WDR59: variants seen among roughly 807,000 people sequenced by gnomAD.
WDR59 encodes GATOR2 complex protein WDR59.
A neutral mutation model predicts 131.2 loss-of-function variants in WDR59; 100 were observed. That is an observed-to-expected ratio of 0.76 (90% CI 0.65 to 0.90). The LOEUF (loss-of-function observed/expected upper bound fraction) is 0.90, where lower values mean the gene tolerates loss of function less well. Ranked by LOEUF, WDR59 falls within the 40% of genes least tolerant of loss-of-function variation. WDR59 has a pLI of 0.00. For synonymous variants in WDR59, 601 were observed against 466.2 expected (o/e 1.29, Z -3.72); for missense variants, 1,203 against 1,262.2 (o/e 0.95, Z 0.71).
At chr16:74,961,347 T>A (rs1282212222) in intron 2 of WDR59, among the ~76,000 whole-genome samples, 1 of 152,040 alleles carries the variant, frequency 6.6e-6, no homozygotes, top group East Asian at 1.9e-4. Context: ...AAAATGAAAG[T>A]TCTAGGTCTT....
chr16:74,981,831 T>A (rs2034442374), intron 1 of WDR59, among the ~76,000 whole-genome samples: 2 of 141,678 alleles, frequency 1.4e-5, no homozygotes, highest in South Asian at 4.4e-4. Context: ...AATTTTTGTA[T>A]CTTTAGTAGA....
intron 21 of WDR59, 87 bp from the exon 22 acceptor site, chr16:74,888,406 A>T: frequency 7.5e-7 from 1 of 1,340,536 alleles, no homozygotes. Context: ...TTACTGCCAC[A>T]GGGGTGGGAA....
At chr16:74,888,920 A>G (rs1964905543) in intron 21 of WDR59, among the ~76,000 whole-genome samples, 1 of 152,248 alleles carries the variant, frequency 6.6e-6, no homozygotes, top group Non-Finnish European at 1.5e-5. Context: ...GTAAGGAATC[A>G]GAGGGGCTTT....
At chr16:74,959,602 G>A in intron 2 of WDR59, 2 of 421,106 alleles carry the variant, frequency 4.7e-6, no homozygotes, top group Non-Finnish European at 9.3e-6. Flanking sequence ...TCTGCATAAA[G>A]AAAAAAAAAT....
At chr16:74,925,959 T>A (rs369909029) in intron 8 of WDR59, among the ~76,000 whole-genome samples, 34 of 147,798 alleles carry the variant, frequency 2.3e-4, no homozygotes, top group African/African-American at 8.6e-4. Flanking sequence ...CACTCCAGTG[T>A]GGGCAACAGA....
rs527444206 is a variant in WDR59 at position 74,924,296 on chromosome 16, T to C, written c.652-293A>G. Among the ~76,000 whole-genome samples the C allele has an allele frequency of 2.0e-5, 3 of 152,284 alleles. No homozygotes were observed. In the East Asian group the frequency reaches 5.8e-4, roughly 29 times the overall value. On this transcript the variant is annotated intron_variant, in intron 8 of 25. Transcript: ENST00000262144. ...GACCTTTAGAGCTGAAAATTCAGAG[T>C]GACGTGTTTGATTTTGTATCACGTT...
intron 3 of WDR59, 86 bp downstream of exon 3, chr16:74,956,389 A>C (rs1269044048): frequency 6.6e-7 from 1 of 1,505,388 alleles, no homozygotes. Flanking sequence ...TGAGGACTGC[A>C]TTCTCTTCTC....
rs191793971 is a variant in WDR59, at chr16:74,924,413, T to C, written c.652-410A>G. ...ATATTTAGAACTTTTTTTTCCCATT[T>C]AATCTTTGTAACAACCATATATGTT... On this transcript the variant is annotated intron_variant, in intron 8 of 25. Coordinates refer to ENST00000262144, the MANE Select transcript of WDR59 (RefSeq NM_030581.4). Among the ~76,000 whole-genome samples the C allele has an allele frequency of 2.0e-3, 302 of 152,352 alleles. 1 individual carries two copies. Among genetic ancestry groups the C allele is most frequent in the African/African-American group, 6.9e-3 (288 of 41,580 alleles).
chr16:74,877,456 C>G (rs1309090232), intron 25 of WDR59, among the ~76,000 whole-genome samples: 1 of 152,130 alleles, frequency 6.6e-6, no homozygotes, highest in Non-Finnish European at 1.5e-5. Context: ...TTTTGTCATG[C>G]TTTTGAATCA....
chr16:74,904,528 C>T (rs2144892219), intron 17 of WDR59, among the ~76,000 whole-genome samples: 1 of 152,270 alleles, frequency 6.6e-6, no homozygotes, highest in African/African-American at 2.4e-5. Flanking sequence ...TTAAAGGAGA[C>T]ATACAACGAT....
rs377750138 is a variant in WDR59, at chr16:74,950,328, A to AAAAC, written c.327-534_327-531dup. Among the ~76,000 whole-genome samples, 282 of 152,214 alleles carry AAAAC rather than the reference A, an allele frequency of 1.9e-3. 3 individuals carry two copies. Among genetic ancestry groups the AAAAC allele is most frequent in the Middle Eastern group, 0.01 (3 of 294 alleles). ...GGCAACAAGAGTGAAACTCCATCTC[A>AAAAC]AAACAAACAAACAAACAAACAAACA... On this transcript the variant is annotated intron_variant, in intron 4 of 25. Transcript: ENST00000262144.
rs1328976320 is a variant in WDR59 at position 74,984,746 on chromosome 16, G to GT, written c.54+217dup. 3.0e-4 allele frequency: 183 copies of GT among 611,916 alleles called. 1 individual carries two copies. The highest frequency in any genetic ancestry group is 3.1e-4 in the Non-Finnish European group (109 of 349,764). 37.9% of individuals were successfully genotyped at this position (611,916 alleles called of 1,614,324 possible). ...AGGCGGACCCCACTCCCCTACCCGC[G>GT]TAGGGAGCCCCGAAACTCCGTCCAT... On this transcript the variant is annotated intron_variant, in intron 1 of 25. Transcript: ENST00000262144.
chr16:74,948,656 G>A lies in WDR59; in HGVS notation c.408-100C>T, dbSNP rs142891571. ...CACAATTCTTCGCTTTCCTTTCAGT[G>A]GGAACTTGGAGTAGGTAGATCCGCT... is the stretch of plus-strand genomic sequence containing the variant. On this transcript the variant is annotated intron_variant, in intron 5 of 25. Coordinates refer to ENST00000262144, the MANE Select transcript of WDR59 (RefSeq NM_030581.4). The A allele has an allele frequency of 8.8e-6, 9 of 1,023,336 alleles. No individual in the cohort carries two copies. In the African/African-American group the frequency reaches 1.3e-4, roughly 14 times the overall value. 63.4% of individuals were successfully genotyped at this position (1,023,336 alleles called of 1,614,324 possible).
intron 1 of WDR59, among the ~76,000 whole-genome samples, chr16:74,982,773 T>C (rs186178762): frequency 6.6e-6 from 1 of 152,170 alleles, no homozygotes; most frequent in African/African-American, 2.4e-5. Context: ...CAAATGCTAC[T>C]GCTCAAATTC....
In WDR59 at chr16:74,886,368, G is replaced by T; in HGVS notation, c.2448C>A (p.Ser816=). The change falls in exon 24 of 26, where the codon TCC becomes TCA. Residue 816 remains serine (S), a synonymous_variant. Transcript: ENST00000262144. ...IAGREAEHLS[S]PWGESSPEEL... is the part of the protein sequence containing the mutation. ...CTTCTGGTGAGGATTCTCCCCAAGG[G>T]GAGGACAAGTGCTCTGCCTCTCTTC... 6.2e-7 allele frequency: 1 copy of T among 1,613,740 alleles called. No homozygotes were observed. The highest frequency in any genetic ancestry group is 8.5e-7 in the Non-Finnish European group (1 of 1,179,956).
chr16:74,960,058 A>C (rs2033484162), intron 2 of WDR59, among the ~76,000 whole-genome samples: 1 of 152,118 alleles, frequency 6.6e-6, no homozygotes. Context: ...GGCCGGGCGC[A>C]GTGGCTCACA....
At chr16:74,980,147 C>G (rs1276991191) in intron 1 of WDR59, among the ~76,000 whole-genome samples, 2 of 151,838 alleles carry the variant, frequency 1.3e-5, no homozygotes, top group Non-Finnish European at 2.9e-5. Flanking sequence ...GCGTGAGCCA[C>G]CATGCCTGGC....
intron 17 of WDR59, among the ~76,000 whole-genome samples, chr16:74,906,313 C>CAAAAAAAAAAAAAAAAAAAA (rs762288713): frequency 0.01 from 337 of 32,442 alleles, 77 homozygotes; most frequent in South Asian, 0.025. Context: ...GACTCCGTCT[C>CAAAAAAAAAAAAAAAAAAAA]AAAAAAAAAA....
intron 5 of WDR59, among the ~76,000 whole-genome samples, chr16:74,949,473 G>T (rs2032865648): frequency 6.6e-6 from 1 of 151,398 alleles, no homozygotes; most frequent in African/African-American, 2.4e-5. Flanking sequence ...AGGGAGGGAG[G>T]GAGGACAGAC....
Sources: gnomAD v4.1 joint callset for allele counts (sites outside exome capture counted in the v4.1 genomes callset) on GRCh38, gnomAD v4.1.1 for gene constraint, MANE v1.5 for transcripts, NCBI Gene and HGNC (gene_info 2026-07-23, HGNC 2026-07-21) for gene names.